TUSC3: variants seen among roughly 807,000 people sequenced by gnomAD.
The protein encoded by TUSC3 is tumor suppressor candidate 3.
In TUSC3, 45 loss-of-function variants were observed where a neutral mutation model predicts 44.8. The observed-to-expected ratio is 1.00, with a 90% confidence interval of 0.79 to 1.29. The LOEUF (loss-of-function observed/expected upper bound fraction) is 1.29, where lower values mean the gene tolerates loss of function less well. Among genes scored for constraint, TUSC3 ranks in the 50% most tolerant of loss-of-function variants. TUSC3 has a pLI of 0.00. For synonymous variants in TUSC3, 212 were observed against 152.9 expected (o/e 1.39, Z -2.85); for missense variants, 519 against 437.9 (o/e 1.19, Z -1.65).
chr8:15,492,664 C>T (rs538556001), intron 2 of TUSC3, among the ~76,000 whole-genome samples: 10 of 151,766 alleles, frequency 6.6e-5, no homozygotes, highest in Admixed American at 2.6e-4. Context: ...AGGCTGGGCA[C>T]AGTGGCTCAC....
At chr8:15,768,981 G>A (rs998085864), downstream of TUSC3, among the ~76,000 whole-genome samples, 11 of 152,106 alleles carry the variant, frequency 7.2e-5, no homozygotes, top group Admixed American at 5.2e-4. Context: ...GATGAATATC[G>A]TGAAAATGGC....
chr8:15,807,145 G>T, the TUSC3 span: 1 of 937,458 alleles, frequency 1.1e-6, no homozygotes, highest in Non-Finnish European at 1.7e-6. Context: ...AGTCCACTTG[G>T]CAAAGCAATC....
At chr8:15,601,534 A>G (rs1237355876) in intron 1 of TUSC3, among the ~76,000 whole-genome samples, 4 of 151,766 alleles carry the variant, frequency 2.6e-5, no homozygotes, top group Non-Finnish European at 3.0e-5. Context: ...TTAGAAGTTA[A>G]TAAGCTGGAG....
intron 2 of TUSC3, among the ~76,000 whole-genome samples, chr8:15,525,819 T>C (rs1801366154): frequency 6.6e-6 from 1 of 151,976 alleles, no homozygotes; most frequent in Non-Finnish European, 1.5e-5. Flanking sequence ...GGTGCAAAAG[T>C]GTGTGCTGGG....
chr8:15,429,683 T>C (rs563779952), intron 1 of TUSC3, among the ~76,000 whole-genome samples: 1 of 151,612 alleles, frequency 6.6e-6, no homozygotes, highest in Non-Finnish European at 1.5e-5. Context: ...CTTGAAGAGG[T>C]CCTTCACATC....
the TUSC3 span, among the ~76,000 whole-genome samples, chr8:15,845,682 G>C: frequency 6.6e-6 from 1 of 152,120 alleles, no homozygotes; most frequent in African/African-American, 2.4e-5. Context: ...GCAGTATTCA[G>C]TATTTTGTTC....
intron 6 of TUSC3, among the ~76,000 whole-genome samples, chr8:15,718,189 A>C (rs1412806116): frequency 6.6e-6 from 1 of 152,126 alleles, no homozygotes; most frequent in African/African-American, 2.4e-5. Context: ...GAGGAATTGG[A>C]AAGTAAAGAT....
intron 6 of TUSC3, among the ~76,000 whole-genome samples, chr8:15,706,569 C>G (rs529971947): frequency 6.6e-6 from 1 of 151,988 alleles, no homozygotes; most frequent in East Asian, 1.9e-4. Flanking sequence ...GAAGCTTCCA[C>G]TCTGAAATTC....
chr8:15,621,005 G>T (rs940752350), intron 1 of TUSC3, among the ~76,000 whole-genome samples: 1 of 151,250 alleles, frequency 6.6e-6, no homozygotes, highest in Non-Finnish European at 1.5e-5. Context: ...GTGTGAGTGT[G>T]TGTTGTGCAT....
At chr8:15,604,167 A>G (rs1804422350) in intron 1 of TUSC3, among the ~76,000 whole-genome samples, 1 of 151,762 alleles carries the variant, frequency 6.6e-6, no homozygotes. Context: ...TATTATGCAA[A>G]TTAAAGACAT....
chr8:15,826,489 G>C, the TUSC3 span, among the ~76,000 whole-genome samples: 1 of 152,122 alleles, frequency 6.6e-6, no homozygotes, highest in South Asian at 2.1e-4. Context: ...CAACTATTTA[G>C]AGAAAACACT....
chr8:15,441,373 C>T (rs1044973680), intron 1 of TUSC3, among the ~76,000 whole-genome samples: 2 of 152,172 alleles, frequency 1.3e-5, no homozygotes, highest in African/African-American at 4.8e-5. Context: ...CGTCACTGCA[C>T]TCCAGGCTGG....
intron 7 of TUSC3, among the ~76,000 whole-genome samples, chr8:15,735,416 C>T (rs888677799): frequency 6.6e-6 from 1 of 152,062 alleles, no homozygotes; most frequent in African/African-American, 2.4e-5. Context: ...CAATGTTTAG[C>T]CCAAAAAAGT....
At chr8:15,481,550 G>A (rs889444068) in intron 1 of TUSC3, among the ~76,000 whole-genome samples, 1 of 152,116 alleles carries the variant, frequency 6.6e-6, no homozygotes, top group Non-Finnish European at 1.5e-5. Flanking sequence ...GCATTCCACA[G>A]AGGTATTGCA....
intron 6 of TUSC3, among the ~76,000 whole-genome samples, chr8:15,725,326 C>T (rs1585270565): frequency 6.6e-6 from 1 of 152,104 alleles, no homozygotes; most frequent in South Asian, 2.1e-4. Flanking sequence ...TACTTTTGAT[C>T]CCAAGCCCAT....
intron 1 of TUSC3, among the ~76,000 whole-genome samples, chr8:15,428,778 G>C (rs1799836340): frequency 6.6e-6 from 1 of 152,166 alleles, no homozygotes; most frequent in African/African-American, 2.4e-5. Context: ...CTTTTGAGAA[G>C]TGTCTGTTCA....
the TUSC3 span, among the ~76,000 whole-genome samples, chr8:15,813,389 C>CA: frequency 0.074 from 10,758 of 145,050 alleles, 655 homozygotes; most frequent in African/African-American, 0.16. Context: ...AACAAACAAA[C>CA]AAAAAAAAAA....
At chr8:15,806,484 C>A in the TUSC3 span, 3 of 958,244 alleles carry the variant, frequency 3.1e-6, no homozygotes, top group Non-Finnish European at 1.7e-6. Context: ...CAGGTGTCGA[C>A]TATTTCATTG....
At chr8:15,623,340 T>G in intron 2 of TUSC3, 91 bp downstream of exon 2, 8 of 1,290,304 alleles carry the variant, frequency 6.2e-6, no homozygotes, top group Non-Finnish European at 8.2e-6. Context: ...ATATGTAAGA[T>G]AAACAGTTGT....
Sources: gnomAD v4.1 joint callset for allele counts (sites outside exome capture counted in the v4.1 genomes callset) on GRCh38, gnomAD v4.1.1 for gene constraint, MANE v1.5 for transcripts, NCBI Gene and HGNC (gene_info 2026-07-23, HGNC 2026-07-21) for gene names.